RANBP2: variants seen among roughly 807,000 people sequenced by gnomAD.
RANBP2 encodes the protein E3 SUMO-protein ligase RanBP2.
In RANBP2, 57 loss-of-function variants were observed where a neutral mutation model predicts 303.6. The ratio of observed to expected loss-of-function variants is 0.19; its 90% CI spans 0.15 to 0.23. The LOEUF (loss-of-function observed/expected upper bound fraction) is 0.23, where lower values mean the gene tolerates loss of function less well. Ranked by LOEUF, RANBP2 falls within the 10% of genes least tolerant of loss-of-function variation. The pLI, the probability that RANBP2 is intolerant of heterozygous loss-of-function variation, is 1.00. For synonymous variants in RANBP2, 1,167 were observed against 1,301.5 expected, an observed-to-expected ratio of 0.90 and a Z score of 2.23; for missense variants, 3,138 against 3,780.8, an observed-to-expected ratio of 0.83 and a Z score of 4.46.
At chr2:109,525,279 T>C in the RANBP2 span, among the ~76,000 whole-genome samples, 7 of 152,098 alleles carry the variant, frequency 4.6e-5, no homozygotes, top group African/African-American at 1.7e-4. Context: ...CTCAGCCTCC[T>C]GAGTAGCTGG....
the RANBP2 span, among the ~76,000 whole-genome samples, chr2:109,505,546 G>A: frequency 2.6e-5 from 4 of 152,192 alleles, no homozygotes; most frequent in African/African-American, 9.6e-5. Flanking sequence ...ACTCGTACAA[G>A]ATTAACACAG....
the RANBP2 span, among the ~76,000 whole-genome samples, chr2:109,733,394 C>T: frequency 6.6e-6 from 1 of 152,108 alleles, no homozygotes; most frequent in African/African-American, 2.4e-5. Context: ...AATAAATACT[C>T]TCAGCAAATT....
At chr2:108,897,097 T>G in the RANBP2 span, 1 of 1,614,046 alleles carries the variant, frequency 6.2e-7, no homozygotes, top group Non-Finnish European at 8.5e-7. Flanking sequence ...CCCAATCTCA[T>G]CCCTCTTCAG....
chr2:109,516,451 A>G, the RANBP2 span, among the ~76,000 whole-genome samples: 1 of 152,224 alleles, frequency 6.6e-6, no homozygotes, highest in African/African-American at 2.4e-5. Flanking sequence ...GGGGCTGAGC[A>G]CTTAGGCCTG....
the RANBP2 span, among the ~76,000 whole-genome samples, chr2:109,009,702 C>CTTT: frequency 1.1e-3 from 132 of 123,058 alleles, 15 homozygotes; most frequent in African/African-American, 2.1e-3. Flanking sequence ...ACATTTTTAC[C>CTTT]TTTTTTTTGT....
At chr2:109,632,285 C>G in the RANBP2 span, among the ~76,000 whole-genome samples, 1 of 152,146 alleles carries the variant, frequency 6.6e-6, no homozygotes, top group Non-Finnish European at 1.5e-5. Flanking sequence ...AGCAAATGAT[C>G]AAACCTAAGG....
At chr2:109,325,331 C>CT in the RANBP2 span, among the ~76,000 whole-genome samples, 304 of 66,142 alleles carry the variant, frequency 4.6e-3, 6 homozygotes, top group Middle Eastern at 0.012. Context: ...TTCTTTCTTT[C>CT]TTTTTTTTTT....
the RANBP2 span, among the ~76,000 whole-genome samples, chr2:109,372,775 G>A: frequency 2.6e-5 from 4 of 152,132 alleles, no homozygotes; most frequent in African/African-American, 9.7e-5. Flanking sequence ...GCTCAGTGCT[G>A]GGCTCCATGT....
the RANBP2 span, among the ~76,000 whole-genome samples, chr2:109,160,626 A>G: frequency 1.3e-5 from 2 of 152,176 alleles, no homozygotes; most frequent in African/African-American, 4.8e-5. Context: ...GAAAAGCTAC[A>G]TGAGGCCCAC....
chr2:109,125,662 A>C, the RANBP2 span, among the ~76,000 whole-genome samples: 9 of 152,386 alleles, frequency 5.9e-5, no homozygotes, highest in East Asian at 1.7e-3. Flanking sequence ...TAGATGACTC[A>C]TGTTGGCTCA....
chr2:109,022,808 T>G, the RANBP2 span, among the ~76,000 whole-genome samples: 1 of 152,120 alleles, frequency 6.6e-6, no homozygotes, highest in Non-Finnish European at 1.5e-5. Flanking sequence ...CCCAGCACTT[T>G]GGGAGGCCGA....
the RANBP2 span, among the ~76,000 whole-genome samples, chr2:109,381,227 C>T: frequency 6.6e-6 from 1 of 152,234 alleles, no homozygotes; most frequent in Non-Finnish European, 1.5e-5. Context: ...CTGGAGCAGG[C>T]TGCTGGAGCG....
chr2:109,013,464 C>T, the RANBP2 span, among the ~76,000 whole-genome samples: 1 of 152,192 alleles, frequency 6.6e-6, no homozygotes, highest in African/African-American at 2.4e-5. Flanking sequence ...TTACAGACAA[C>T]TGAATAAAGT....
the RANBP2 span, among the ~76,000 whole-genome samples, chr2:109,658,554 G>C: frequency 6.6e-6 from 1 of 152,186 alleles, no homozygotes; most frequent in Non-Finnish European, 1.5e-5. Flanking sequence ...TGACTCGTGG[G>C]AAAGGATCTT....
chr2:109,158,886 C>T, the RANBP2 span, among the ~76,000 whole-genome samples: 1 of 152,138 alleles, frequency 6.6e-6, no homozygotes, highest in African/African-American at 2.4e-5. Flanking sequence ...GAAGTCAAGG[C>T]GGGTGGATCA....
At chr2:109,347,488 C>G in the RANBP2 span, among the ~76,000 whole-genome samples, 31,383 of 151,802 alleles carry the variant, frequency 0.21, 3,702 homozygotes, top group African/African-American at 0.33. Context: ...ATCTCAGTGG[C>G]GCCTCAGAAT....
At chr2:109,268,918 C>G in the RANBP2 span, among the ~76,000 whole-genome samples, 1 of 152,090 alleles carries the variant, frequency 6.6e-6, no homozygotes, top group Non-Finnish European at 1.5e-5. Context: ...AAATGTAACC[C>G]CATTATAAGT....
At chr2:109,621,688 T>A in the RANBP2 span, among the ~76,000 whole-genome samples, 3 of 151,774 alleles carry the variant, frequency 2.0e-5, no homozygotes, top group Admixed American at 6.6e-5. Context: ...CCAAGGCAGG[T>A]GAATCACGAG....
chr2:109,325,792 C>A, the RANBP2 span, among the ~76,000 whole-genome samples: 1 of 152,300 alleles, frequency 6.6e-6, no homozygotes, highest in African/African-American at 2.4e-5. Flanking sequence ...GCCTGCTGCA[C>A]CCTCCTTATT....
Sources: gnomAD v4.1 joint callset for allele counts (sites outside exome capture counted in the v4.1 genomes callset) on GRCh38, gnomAD v4.1.1 for gene constraint, MANE v1.5 for transcripts, NCBI Gene and HGNC (gene_info 2026-07-23, HGNC 2026-07-21) for gene names.